TNS1: variants seen among roughly 807,000 people sequenced by gnomAD.
TNS1 encodes the protein tensin-1.
Under a neutral mutation model 168.6 loss-of-function variants are expected in TNS1, and 62 were observed. The ratio of observed to expected loss-of-function variants is 0.37; its 90% CI spans 0.30 to 0.45. The LOEUF is 0.45. Ranked by LOEUF, TNS1 falls within the 20% of genes least tolerant of loss-of-function variation. The pLI is 1.00. For missense variants in TNS1, 2,240 were observed against 2,339.4 expected (o/e 0.96, Z 0.88); for synonymous variants, 934 against 933.2 (o/e 1.00, Z -0.02).
At chr2:217,809,343 G>A (rs1018005804) in intron 30 of TNS1, among the ~76,000 whole-genome samples, 1,070 of 60,248 alleles carry the variant, frequency 0.018, no homozygotes, top group Middle Eastern at 0.027. Flanking sequence ...ATGGATGGAT[G>A]GATGCATGGA....
At chr2:217,809,480 G>GTGC (rs1940261621) in intron 30 of TNS1, among the ~76,000 whole-genome samples, 3 of 28,904 alleles carry the variant, frequency 1.0e-4, no homozygotes, top group African/African-American at 2.0e-4. Context: ...TGGATGGATG[G>GTGC]ATGGATGGAT....
intron 3 of TNS1, among the ~76,000 whole-genome samples, chr2:217,929,190 A>T (rs761764696): frequency 1.3e-5 from 2 of 152,204 alleles, no homozygotes; most frequent in Admixed American, 6.5e-5. Context: ...ACACCATGGC[A>T]CCCAGATGGG....
intron 1 of TNS1, among the ~76,000 whole-genome samples, chr2:218,022,640 G>T (rs1171279756): frequency 2.0e-5 from 3 of 152,024 alleles, no homozygotes; most frequent in African/African-American, 7.2e-5. Flanking sequence ...GGCTCACAGA[G>T]GGGGAGATAA....
chr2:218,032,165 G>C lies in TNS1; in HGVS notation c.156+1655C>G, dbSNP rs935887751. Among the ~76,000 whole-genome samples the C allele has an allele frequency of 3.3e-5, 5 of 152,224 alleles. No individual in the cohort carries two copies. Among genetic ancestry groups the C allele is most frequent in the Admixed American group, 2.0e-4 (3 of 15,290 alleles). On this transcript the variant is annotated intron_variant, in intron 1 of 1. Coordinates refer to the TNS1 transcript ENST00000649572. The surrounding 1 kb of genome is among the most constrained non-coding windows in gnomAD (Gnocchi z 4.0). ...CTAGAGAGGCCACCTGGGAGGGGCA[G>C]GGCCCACAGCTGCAGGCACTGACAA...
At chr2:217,950,775 C>T (rs547813281) in intron 3 of TNS1, among the ~76,000 whole-genome samples, 1 of 151,704 alleles carries the variant, frequency 6.6e-6, no homozygotes, top group South Asian at 2.1e-4. Flanking sequence ...CTGCTGTCAC[C>T]CGCACGGCCC....
chr2:217,983,252 A>T (rs1354214346), intron 2 of TNS1, among the ~76,000 whole-genome samples: 1 of 152,162 alleles, frequency 6.6e-6, no homozygotes, highest in Non-Finnish European at 1.5e-5. Flanking sequence ...GTCCTCCCCC[A>T]GATACACATG....
chr2:217,910,844 C>A (rs180851366), intron 4 of TNS1, among the ~76,000 whole-genome samples: 74 of 152,184 alleles, frequency 4.9e-4, no homozygotes, highest in African/African-American at 1.7e-3. Flanking sequence ...CTGTTTCACA[C>A]ATGGGGAAAT....
intron 1 of TNS1, among the ~76,000 whole-genome samples, chr2:218,026,792 G>A (rs1310094453): frequency 1.3e-5 from 2 of 152,234 alleles, no homozygotes; most frequent in African/African-American, 2.4e-5. Flanking sequence ...CTCAAGGGCA[G>A]GGCAGACATG....
chr2:217,987,868 G>A (rs181605923), intron 2 of TNS1, among the ~76,000 whole-genome samples: 15 of 152,264 alleles, frequency 9.9e-5, no homozygotes, highest in African/African-American at 3.6e-4. Flanking sequence ...GGGTGGCCCT[G>A]GTTGGGTGGG....
intron 3 of TNS1, among the ~76,000 whole-genome samples, chr2:217,953,971 G>A (rs960338649): frequency 1.3e-5 from 2 of 152,206 alleles, no homozygotes; most frequent in Admixed American, 6.5e-5. Flanking sequence ...AGTCAGATCA[G>A]GGGAACCCAA....
chr2:218,006,060 C>A (rs1471448618), upstream of TNS1, among the ~76,000 whole-genome samples: 1 of 152,220 alleles, frequency 6.6e-6, no homozygotes, highest in Admixed American at 6.5e-5. Flanking sequence ...GCCTCAGAAC[C>A]CAGCCCCAAC....
intron 32 of TNS1, 32 bp from the exon 33 acceptor site, chr2:217,804,635 G>A: frequency 1.2e-6 from 2 of 1,612,608 alleles, no homozygotes; most frequent in South Asian, 1.1e-5. Flanking sequence ...GGGCATGAGG[G>A]AAGGGCAAGT....
At chr2:217,817,292 G>A (rs745920033) in intron 24 of TNS1, among the ~76,000 whole-genome samples, 11 of 152,158 alleles carry the variant, frequency 7.2e-5, no homozygotes, top group Non-Finnish European at 1.5e-4. Flanking sequence ...GCCTCAGTTT[G>A]TAAACTGGGG....
chr2:218,007,947 G>A (rs999484318), upstream of TNS1, among the ~76,000 whole-genome samples: 2 of 152,126 alleles, frequency 1.3e-5, no homozygotes, highest in Non-Finnish European at 2.9e-5. Context: ...CATGGTCTGG[G>A]GGAGGCCCTG....
intron 1 of TNS1, among the ~76,000 whole-genome samples, chr2:217,991,984 C>G (rs1958377483): frequency 6.6e-6 from 1 of 152,172 alleles, no homozygotes; most frequent in African/African-American, 2.4e-5. Flanking sequence ...TCCACCACTA[C>G]CACAGGCCTC....
At chr2:217,831,398 C>A (rs372370961) in intron 22 of TNS1, 57 bp downstream of exon 22, 2 of 1,448,174 alleles carry the variant, frequency 1.4e-6, no homozygotes, top group African/African-American at 2.9e-5. Flanking sequence ...CTGTCCAGAA[C>A]CACAGGAGTC....
chr2:217,896,967 T>C (rs1952376769), intron 8 of TNS1, among the ~76,000 whole-genome samples: 1 of 152,206 alleles, frequency 6.6e-6, no homozygotes, highest in South Asian at 2.1e-4. Context: ...TGTTGGGTTT[T>C]TTCTGAATAT....
At chr2:217,860,052 C>G (rs1948638718) in intron 18 of TNS1, among the ~76,000 whole-genome samples, 1 of 152,182 alleles carries the variant, frequency 6.6e-6, no homozygotes, top group Non-Finnish European at 1.5e-5. Flanking sequence ...GTTTGCAACC[C>G]CAAAATGCTT....
intron 11 of TNS1, 129 bp downstream of exon 11, chr2:217,892,819 T>C (rs1419650617): frequency 1.3e-5 from 14 of 1,071,106 alleles, no homozygotes; most frequent in Non-Finnish European, 1.9e-5. Context: ...CCTTCCCCCG[T>C]CCTCATCGCT....
Sources: gnomAD v4.1 joint callset for allele counts (sites outside exome capture counted in the v4.1 genomes callset) on GRCh38, gnomAD v4.1.1 for gene constraint, Gnocchi (gnomAD v3.1) non-coding constraint, MANE v1.5 for transcripts, NCBI Gene and HGNC (gene_info 2026-07-23, HGNC 2026-07-21) for gene names.